The following SKA1 variants were observed in gnomAD, a reference collection of about 807,000 sequenced individuals.
SKA1 encodes the protein spindle and kinetochore associated complex subunit 1.
A neutral mutation model predicts 31.8 loss-of-function variants in SKA1; 20 were observed. The ratio of observed to expected loss-of-function variants is 0.63; its 90% CI spans 0.44 to 0.91. The LOEUF (loss-of-function observed/expected upper bound fraction) is 0.91. SKA1 is among the 40% of genes least tolerant of loss of function. SKA1 has a pLI of 0.00. For synonymous variants in SKA1, 88 were observed against 100.5 expected, an observed-to-expected ratio of 0.88 and a Z score of 0.74; for missense variants, 253 against 298.2, an observed-to-expected ratio of 0.85 and a Z score of 1.12.
intron 5 of SKA1, among the ~76,000 whole-genome samples, chr18:50,387,595 G>A (rs368329126): frequency 1.3e-5 from 2 of 152,024 alleles, no homozygotes; most frequent in South Asian, 2.1e-4. Context: ...ATCTATTGAC[G>A]TTATCTATTG....
rs2041364194 is a variant in SKA1, at chr18:50,392,322, A to AT, written c.*82dup. 1 of 982,702 alleles carries AT rather than the reference A, an allele frequency of 1.0e-6. No individual in the cohort carries two copies. Among genetic ancestry groups the AT allele is most frequent in the South Asian group, 4.7e-5 (1 of 21,310 alleles). 60.9% of individuals were successfully genotyped at this position (982,702 alleles called of 1,614,324 possible). A position where few individuals can be genotyped will look rare whatever the true frequency, so the allele number is the denominator to read the frequency against. On this transcript the variant is annotated 3_prime_UTR_variant, in exon 7 of 7. Transcript: ENST00000285116. ...TATTTCTATAATTTTCTTATATATA[A>AT]TTTTTTTAACTTTTAATCTTTTTTG...
intron 5 of SKA1, among the ~76,000 whole-genome samples, chr18:50,387,437 T>C (rs2149322359): frequency 1.3e-5 from 2 of 152,374 alleles, no homozygotes; most frequent in Middle Eastern, 6.8e-3. Context: ...TGTTTTCTTG[T>C]CATTGAATTT....
chr18:50,390,186 T>G (rs530005048), intron 5 of SKA1, among the ~76,000 whole-genome samples: 1 of 152,140 alleles, frequency 6.6e-6, no homozygotes, highest in African/African-American at 2.4e-5. Context: ...AAAAATGAAT[T>G]TAGAAAAGAG....
At chr18:50,387,255 A>G (rs2041316813) in intron 5 of SKA1, among the ~76,000 whole-genome samples, 1 of 152,240 alleles carries the variant, frequency 6.6e-6, no homozygotes, top group Non-Finnish European at 1.5e-5. Flanking sequence ...CCCTAGTGAC[A>G]TTTGACATTG....
At chr18:50,379,129 T>C (rs1464814748) in intron 2 of SKA1, among the ~76,000 whole-genome samples, 1 of 152,222 alleles carries the variant, frequency 6.6e-6, no homozygotes, top group South Asian at 2.1e-4. Context: ...GAAATGCAGA[T>C]GGGAAGCTTC....
chr18:50,380,081 C>A (rs772393052), intron 2 of SKA1, 45 bp from the exon 3 acceptor site: 30 of 1,441,644 alleles, frequency 2.1e-5, no homozygotes, highest in Non-Finnish European at 2.5e-5. Flanking sequence ...ATAGCTACTG[C>A]TTTTCTATAC....
intron 5 of SKA1, among the ~76,000 whole-genome samples, chr18:50,389,368 TAC>T: frequency 6.8e-6 from 1 of 147,478 alleles, no homozygotes; most frequent in Non-Finnish European, 1.5e-5. Context: ...TCATTTCCTT[TAC>T]CTTTCTTTTT....
Position 50,382,294 on chromosome 18 carries a change from C to CT in SKA1, c.311+72dup, listed in dbSNP as rs900476463. The CT allele has an allele frequency of 4.1e-6, 4 of 971,634 alleles. No individual in the cohort carries two copies. In the African/African-American group the frequency reaches 7.0e-5, roughly 17 times the overall value. 60.2% of individuals were successfully genotyped at this position (971,634 alleles called of 1,614,324 possible). On this transcript the variant is annotated intron_variant, in intron 4 of 6. Transcript: ENST00000285116. ...CCCATGAAAACAAGTTCTTCAAAGC[C>CT]TTTTGTTCTTTCATATACTTGCAGT...
At chr18:50,389,888 G>T (rs1473679661) in intron 5 of SKA1, among the ~76,000 whole-genome samples, 1 of 152,198 alleles carries the variant, frequency 6.6e-6, no homozygotes, top group Non-Finnish European at 1.5e-5. Context: ...AATTAGAATG[G>T]TCATGGTAGA....
intron 5 of SKA1, among the ~76,000 whole-genome samples, chr18:50,389,371 C>CTTTTTTTTTTTTT (rs2041337634): frequency 1.6e-5 from 2 of 127,060 alleles, no homozygotes; most frequent in Non-Finnish European, 1.6e-5. Context: ...TTTCCTTTAC[C>CTTTTTTTTTTTTT]TTTCTTTTTT....
chr18:50,375,839 G>A lies in SKA1; in HGVS notation c.9G>A (p.Ser3=), dbSNP rs781583139. The part of the protein sequence containing the change: MA[S]SDLEQLCSHV... The stretch of plus-strand genomic sequence containing the variant: ...CTTCAGAGGCTTAAAGGATGGCCTC[G>A]TCAGATCTGGAACAATTATGCTCTC... Residue 3 remains serine, a synonymous_variant, in exon 2 of 7, where the codon TCG becomes TCA. Coordinates refer to ENST00000285116, the MANE Select transcript of SKA1 (RefSeq NM_145060.4). 2.2e-5 allele frequency: 35 copies of A among 1,605,040 alleles called. No homozygotes were observed. The South Asian group carries it at 3.3e-4, about 15-fold the overall frequency.
chr18:50,392,165 A>G lies in SKA1; in HGVS notation c.686A>G (p.His229Arg), dbSNP rs1407773345. 1 of 1,610,606 alleles carries G rather than the reference A, an allele frequency of 6.2e-7. No homozygotes were observed. The highest frequency in any genetic ancestry group is 8.5e-7 in the Non-Finnish European group (1 of 1,179,392). ...FTTLKADKKFHVLLNILRHCR... is the reference protein window; with the variant it reads ...FTTLKADKKFRVLLNILRHCR... The stretch of plus-strand genomic sequence containing the variant: ...ACTTTGAAAGCTGACAAGAAGTTTC[A>G]CGTGTTACTGAATATTTTACGACAC... The change falls in exon 7 of 7, where the codon CAC becomes CGC. Residue 229 changes from histidine to arginine, a missense_variant. Physicochemically the swap from His to Arg is conservative, Grantham distance 29 (BLOSUM62 0). Transcript: ENST00000285116.
intron 2 of SKA1, among the ~76,000 whole-genome samples, chr18:50,378,813 C>T (rs552381340): frequency 6.6e-6 from 1 of 152,254 alleles, no homozygotes; most frequent in Non-Finnish European, 1.5e-5. Context: ...TCAGTACTCT[C>T]ATTTACTTAT....
Position 50,392,227 on chromosome 18 carries a change from A to C in SKA1, c.748A>C (p.Thr250Pro), listed in dbSNP as rs757439529. The C allele has an allele frequency of 1.9e-6, 3 of 1,593,554 alleles. No individual in the cohort carries two copies. The highest frequency in any genetic ancestry group is 1.2e-5 in the South Asian group (1 of 86,746). ...RLSEVRGGGL[T>P]RYVIT ...ATCAGAGGTCCGAGGGGGAGGACTT[A>C]CTCGTTATGTTATAACCTGAGTCCC... The change falls in exon 7 of 7, where the codon ACT becomes CCT. Residue 250 changes from threonine (T) to proline (P), a missense_variant. Physicochemically the swap from Thr to Pro is conservative, Grantham distance 38. Transcript: ENST00000285116.
intron 2 of SKA1, among the ~76,000 whole-genome samples, chr18:50,376,597 G>A (rs1296936527): frequency 1.3e-5 from 2 of 152,152 alleles, no homozygotes; most frequent in East Asian, 3.8e-4. Context: ...GTATACTACT[G>A]TAGGCTTTAT....
intron 3 of SKA1, 80 bp from the exon 4 acceptor site, chr18:50,382,049 T>C (rs1364094366): frequency 2.3e-6 from 2 of 866,350 alleles, no homozygotes; most frequent in African/African-American, 1.8e-5. Context: ...TATGGTTCAC[T>C]GTTTTCCCTG....
At chr18:50,380,841 G>T (rs531047505) in intron 3 of SKA1, among the ~76,000 whole-genome samples, 4 of 152,284 alleles carry the variant, frequency 2.6e-5, no homozygotes, top group Admixed American at 2.0e-4. Flanking sequence ...CTTCCTGAGG[G>T]GGAAATAATC....
At chr18:50,385,123 T>C (rs995333282) in intron 4 of SKA1, 93 bp from the exon 5 acceptor site, 172 of 1,008,858 alleles carry the variant, frequency 1.7e-4, no homozygotes, top group Non-Finnish European at 2.3e-4. Flanking sequence ...CAGGATGAGT[T>C]ACGTATTTAA....
intron 5 of SKA1, among the ~76,000 whole-genome samples, chr18:50,388,532 TGGA>T (rs1388470214): frequency 8.0e-6 from 1 of 124,292 alleles, no homozygotes; most frequent in Non-Finnish European, 1.7e-5. Flanking sequence ...GGTAAGGTGT[TGGA>T]GAGGAGAAGC....
Sources: allele counts gnomAD v4.1 joint callset (sites outside exome capture counted in the v4.1 genomes callset), GRCh38; gene constraint gnomAD v4.1.1; transcripts MANE v1.5; gene names NCBI Gene and HGNC (gene_info 2026-07-23, HGNC 2026-07-21).